The following PTPRD variants were observed in gnomAD, a reference collection of about 807,000 sequenced individuals.
PTPRD encodes protein tyrosine phosphatase receptor type D.
In PTPRD, 34 loss-of-function variants were observed where a neutral mutation model predicts 214.5. That is an observed-to-expected ratio of 0.16 (90% CI 0.12 to 0.21). PTPRD has a LOEUF of 0.21. PTPRD is among the 10% of genes least tolerant of loss of function. PTPRD has a pLI of 1.00. For synonymous variants in PTPRD, 1,128 were observed against 845.7 expected (o/e 1.33, Z -5.79); for missense variants, 2,545 against 2,398.7 (o/e 1.06, Z -1.27).
At chr9:8,900,076 T>A (rs963489956) in intron 11 of PTPRD, among the ~76,000 whole-genome samples, 4 of 152,196 alleles carry the variant, frequency 2.6e-5, no homozygotes, top group Non-Finnish European at 4.4e-5. Flanking sequence ...TCAAGCTGAG[T>A]AATGGACTAT....
chr9:9,281,805 C>T (rs1423852411), intron 9 of PTPRD, among the ~76,000 whole-genome samples: 1 of 150,196 alleles, frequency 6.7e-6, no homozygotes, highest in African/African-American at 2.4e-5. Flanking sequence ...CATGAATATT[C>T]GTAACAGCTT....
At position 9,099,188 on chromosome 9, in the gene PTPRD, G is replaced by A. The variant is rs147441858; in HGVS notation, c.-142-80453C>T. Among the ~76,000 whole-genome samples the A allele has an allele frequency of 7.9e-5, 12 of 152,310 alleles. No homozygotes were observed. The East Asian group carries it at 2.3e-3, about 29-fold the overall frequency. On this transcript the variant is annotated intron_variant, in intron 10 of 45. Transcript: ENST00000381196. Reference sequence around the variant, plus strand: ...GAGCAGGCCATGTACACATTTATTAGCAACAGGTGATGGGAGAGGTAAAAA... The same window carrying A: ...GAGCAGGCCATGTACACATTTATTAACAACAGGTGATGGGAGAGGTAAAAA...
chr9:10,459,454 T>G (rs1244966780), intron 2 of PTPRD, among the ~76,000 whole-genome samples: 1 of 152,204 alleles, frequency 6.6e-6, no homozygotes, highest in Non-Finnish European at 1.5e-5. Context: ...TTACTGGTTC[T>G]AGATCCTTGA....
intron 3 of PTPRD, among the ~76,000 whole-genome samples, chr9:10,095,283 A>G (rs1008805769): frequency 6.6e-6 from 1 of 151,502 alleles, no homozygotes; most frequent in Non-Finnish European, 1.5e-5. Flanking sequence ...AAAGTACCCA[A>G]TATCCCATAG....
In PTPRD at chr9:10,484,667, C is replaced by T. The variant is rs534508501; in HGVS notation, c.-600+127731G>A. On this transcript the variant is annotated intron_variant, in intron 2 of 45. Coordinates refer to ENST00000381196, the MANE Select transcript of PTPRD (RefSeq NM_002839.4). ...TTTGGAGCACCTTTTCATATGTCTG[C>T]CATTGAGAAATATCTATTTAGATTT... 2.0e-5 allele frequency among the ~76,000 whole-genome samples: 3 copies of T among 151,866 alleles called. No homozygotes were observed. The South Asian group carries it at 6.2e-4, about 32-fold the overall frequency.
At chr9:9,280,995 A>C (rs1388392513) in intron 9 of PTPRD, among the ~76,000 whole-genome samples, 1 of 151,340 alleles carries the variant, frequency 6.6e-6, no homozygotes, top group Non-Finnish European at 1.5e-5. Context: ...ATTTTTGACA[A>C]AAAATCAAAG....
intron 33 of PTPRD, 25 bp from the exon 34 acceptor site, chr9:8,449,862 A>G (rs767105046): frequency 4.4e-6 from 7 of 1,604,998 alleles, no homozygotes; most frequent in Non-Finnish European, 6.0e-6. Flanking sequence ...TAGAAATTTA[A>G]GAAGAAAAGA....
chr9:9,795,269 G>A (rs1358140135), intron 5 of PTPRD, among the ~76,000 whole-genome samples: 1 of 152,110 alleles, frequency 6.6e-6, no homozygotes, highest in Non-Finnish European at 1.5e-5. Flanking sequence ...GGAAATAGTG[G>A]GGTATATTGA....
At chr9:10,353,462 T>C (rs1311429296) in intron 2 of PTPRD, among the ~76,000 whole-genome samples, 1 of 152,008 alleles carries the variant, frequency 6.6e-6, no homozygotes, top group African/African-American at 2.4e-5. Context: ...ATAAGAACTA[T>C]TTTAATTCTA....
intron 2 of PTPRD, among the ~76,000 whole-genome samples, chr9:10,476,910 T>C (rs1393167089): frequency 1.3e-5 from 2 of 152,124 alleles, no homozygotes; most frequent in East Asian, 3.9e-4. Context: ...TAATAAATGG[T>C]GCTGTAAAAA....
intron 6 of PTPRD, among the ~76,000 whole-genome samples, chr9:9,741,406 T>G (rs1188572082): frequency 1.3e-5 from 2 of 151,816 alleles, no homozygotes; most frequent in Admixed American, 1.3e-4. Context: ...TTTATGAACT[T>G]TACAAGTTAA....
Position 8,934,476 on chromosome 9 carries a change from T to A in PTPRD, c.-104+84221A>T, listed in dbSNP as rs1388246914. Reference sequence around the variant, plus strand: ...TTATATATATATAAATATATATATATAAATATATATATATATAAATATATA... The same window carrying A: ...TTATATATATATAAATATATATATAAAAATATATATATATATAAATATATA... On this transcript the variant is annotated intron_variant, in intron 11 of 45. Coordinates refer to ENST00000381196, the MANE Select transcript of PTPRD (RefSeq NM_002839.4). 1.8e-3 allele frequency among the ~76,000 whole-genome samples: 21 copies of A among 11,474 alleles called. 3 individuals are homozygous for A. The highest frequency in any genetic ancestry group is 2.6e-3 in the African/African-American group (9 of 3,476). The allele number at this position is 11,474 out of a possible 152,430, so 7.5% of individuals were successfully genotyped here.
chr9:8,703,610 C>T (rs2098136820), intron 12 of PTPRD, among the ~76,000 whole-genome samples: 1 of 152,098 alleles, frequency 6.6e-6, no homozygotes, highest in Non-Finnish European at 1.5e-5. Flanking sequence ...CTCCTGTTTC[C>T]CCTCGACTTC....
intron 34 of PTPRD, among the ~76,000 whole-genome samples, chr9:8,447,150 C>A (rs981995295): frequency 2.6e-5 from 4 of 152,196 alleles, no homozygotes; most frequent in African/African-American, 9.6e-5. Flanking sequence ...CCTGAGTGAA[C>A]AGATGTGCTA....
intron 3 of PTPRD, among the ~76,000 whole-genome samples, chr9:10,266,438 T>C (rs2094064809): frequency 6.6e-6 from 1 of 152,196 alleles, no homozygotes; most frequent in Non-Finnish European, 1.5e-5. Flanking sequence ...AGGAACATGG[T>C]AGCTCTAAAG....
intron 10 of PTPRD, among the ~76,000 whole-genome samples, chr9:9,178,004 G>C (rs914557090): frequency 1.3e-5 from 2 of 152,084 alleles, no homozygotes; most frequent in African/African-American, 2.4e-5. Context: ...GAAATATCTG[G>C]AACCCATCTC....
intron 10 of PTPRD, among the ~76,000 whole-genome samples, chr9:9,180,577 C>T (rs1273784939): frequency 6.6e-6 from 1 of 151,928 alleles, no homozygotes; most frequent in Non-Finnish European, 1.5e-5. Flanking sequence ...TGCACATGTA[C>T]TCTAAAACTT....
At chr9:10,365,478 C>A (rs559641785) in intron 2 of PTPRD, among the ~76,000 whole-genome samples, 5 of 152,286 alleles carry the variant, frequency 3.3e-5, no homozygotes, top group African/African-American at 1.2e-4. Flanking sequence ...TTCAGCTTGA[C>A]AGTTTTTATT....
rs953059517 is a variant in PTPRD, at chr9:10,188,711, G to A, written c.-545+152252C>T. ...ATTCACATGTCATTGGCACTGCATG[G>A]TAGGTTTTATTTAGAGAATGAAGAC... On this transcript the variant is annotated intron_variant, in intron 3 of 45. Coordinates refer to ENST00000381196, the MANE Select transcript of PTPRD (RefSeq NM_002839.4). Among the ~76,000 whole-genome samples the A allele has an allele frequency of 7.9e-5, 12 of 152,186 alleles. No homozygotes were observed. In the East Asian group the frequency reaches 2.1e-3, roughly 27 times the overall value.
Sources: allele counts gnomAD v4.1 joint callset (sites outside exome capture counted in the v4.1 genomes callset), GRCh38; gene constraint gnomAD v4.1.1; transcripts MANE v1.5; gene names NCBI Gene and HGNC (gene_info 2026-07-23, HGNC 2026-07-21).